IL20: variants seen among roughly 807,000 people sequenced by gnomAD.
IL20 encodes the protein interleukin 20, also known as interleukin-20.
IL20 carries 22 observed loss-of-function variants against 19.2 expected under a neutral mutation model. The ratio of observed to expected loss-of-function variants is 1.15; its 90% confidence interval spans 0.82 to 1.64. IL20 has a LOEUF of 1.64. Among genes scored for constraint, IL20 ranks in the 40% most tolerant of loss-of-function variants. IL20 has a pLI of 0.00. For missense variants in IL20, 215 were observed against 212.8 expected (o/e 1.01, Z -0.06); for synonymous variants, 70 against 76.2 (o/e 0.92, Z 0.43).
chr1:206,866,104 A>G, intron 2 of IL20, 93 bp downstream of exon 2: 1 of 1,322,818 alleles, frequency 7.6e-7, no homozygotes, highest in South Asian at 1.2e-5. Context: ...TGTAATCATA[A>G]AAAGAGGCAG....
In IL20 at chr1:206,865,979, C is replaced by T. The variant is rs1167477260; in HGVS notation, c.127C>T (p.Arg43Ter). The change falls in exon 2 of 6, where the codon CGA becomes TGA. Residue 43 changes from arginine (R) to a stop codon, truncating the protein, a stop_gained. Transcript: ENST00000367098. LOFTEE classifies it high-confidence loss of function. The surrounding 1 kb of genome is among the most constrained non-coding windows in gnomAD (Gnocchi z 4.1). ...CVIATNLQEIRNGFSEIRGSV... is the reference protein window; with the variant it reads ...CVIATNLQEI The stretch of plus-strand genomic sequence containing the variant: ...GATCGCCACAAACCTTCAGGAAATA[C>T]GAAATGGATTTTCTGAGATACGGGG... 1.9e-6 allele frequency: 3 copies of T among 1,614,116 alleles called. No homozygotes were observed. Among genetic ancestry groups the T allele is most frequent in the East Asian group, 2.2e-5 (1 of 44,876 alleles).
At chr1:206,867,358 T>C (rs760271846) in intron 4 of IL20, 26 bp from the exon 5 acceptor site, 20 of 1,601,938 alleles carry the variant, frequency 1.2e-5, no homozygotes, top group Non-Finnish European at 1.7e-5. Flanking sequence ...TGTAATATAA[T>C]CTATTATTCT....
chr1:206,867,268 T>C, intron 4 of IL20, 116 bp from the exon 5 acceptor site: 3 of 815,162 alleles, frequency 3.7e-6, no homozygotes, highest in Non-Finnish European at 5.9e-6. Flanking sequence ...AGCTTTTCTA[T>C]AGGAATAAGC....
In IL20 at chr1:206,866,488, C is replaced by T. The variant is rs369016895; in HGVS notation, c.230C>T (p.Ala77Val). ...TATACCTGTGGTTTTTTGCAGCCTG[C>T]GAATCGATGCTGCCTCCTGCGCCAT... ...RTESLQDTKP[A>V]NRCCLLRHLL... The change falls in exon 4 of 6, where the codon GCG (alanine) becomes GTG (valine). Residue 77 changes from alanine to valine, a missense_variant. Physicochemically the swap from Ala to Val is moderately conservative, Grantham distance 64. Coordinates refer to ENST00000367098, the MANE Select transcript of IL20 (RefSeq NM_018724.4). The T allele has an allele frequency of 2.6e-5, 42 of 1,613,736 alleles. No homozygotes were observed. The highest frequency in any genetic ancestry group is 4.5e-5 in the East Asian group (2 of 44,904).
rs1677641806 is a variant in IL20 at position 206,869,054 on chromosome 1, G to GACT, written c.*494_*496dup. 1.3e-5 allele frequency: 2 copies of GACT among 152,146 alleles called. No homozygotes were observed. The highest frequency in any genetic ancestry group is 4.8e-5 in the African/African-American group (2 of 41,350). The allele number at this position is 152,146 out of a possible 1,614,324, so 9.4% of individuals were successfully genotyped here. A position where few individuals can be genotyped will look rare whatever the true frequency, so the allele number is the denominator to read the frequency against. ...GTGAGATATTTGAAATTGAACCAAT[G>GACT]ACTACTTAGGATGGGTTGTGGAATA... On this transcript the variant is annotated 3_prime_UTR_variant, in exon 6 of 6. Transcript: ENST00000367098.
At chr1:206,867,609 G>C in intron 5 of IL20, 151 bp downstream of exon 5, 1 of 655,628 alleles carries the variant, frequency 1.5e-6, no homozygotes, top group South Asian at 1.9e-5. Flanking sequence ...TTTAACCCAG[G>C]GGACACCCAT....
At position 206,868,576 on chromosome 1, in the gene IL20, T is replaced by C; in HGVS notation, c.*12T>C. On this transcript the variant is annotated 3_prime_UTR_variant, in exon 6 of 6. Coordinates refer to ENST00000367098, the MANE Select transcript of IL20 (RefSeq NM_018724.4). ...AGGAGACAGAATAGGAGGAAAGTGA[T>C]GCTGCTGCTAAGAATATTCGAGGTC... 1 of 1,588,454 alleles carries C rather than the reference T, an allele frequency of 6.3e-7. No homozygotes were observed. The highest frequency in any genetic ancestry group is 8.6e-7 in the Non-Finnish European group (1 of 1,166,540).
chr1:206,866,292 T>C lies in IL20; in HGVS notation c.160-7T>C, dbSNP rs1677542299. ...CATCCTTGCTTGTTTTGTCTTCTTC[T>C]GTTTAGCAAGCCAAAGATGGAAACA... On this transcript the variant is annotated splice_region_variant and splice_polypyrimidine_tract_variant and intron_variant, in intron 2 of 5. Transcript: ENST00000367098. 3 of 1,614,084 alleles carry C rather than the reference T, an allele frequency of 1.9e-6. No homozygotes were observed. The highest frequency in any genetic ancestry group is 2.5e-6 in the Non-Finnish European group (3 of 1,179,922).
chr1:206,866,151 A>G, intron 2 of IL20, 140 bp downstream of exon 2: 1 of 1,143,636 alleles, frequency 8.7e-7, no homozygotes, highest in Non-Finnish European at 1.3e-6. Context: ...TATTCCAAAG[A>G]AATAACTGTA....
chr1:206,864,384 C>A (rs1558630617), upstream of IL20, among the ~76,000 whole-genome samples: 1 of 150,958 alleles, frequency 6.6e-6, no homozygotes, highest in African/African-American at 2.4e-5. Context: ...TGGAGCCAGC[C>A]ATATATATAT....
upstream of IL20, among the ~76,000 whole-genome samples, chr1:206,863,944 A>G (rs754348982): frequency 2.3e-4 from 35 of 152,150 alleles, no homozygotes; most frequent in Admixed American, 1.2e-3. Flanking sequence ...AATCAAAACA[A>G]TTTCTGGGTT....
chr1:206,866,529 C>G lies in IL20; in HGVS notation c.271C>G (p.Leu91Val), dbSNP rs1368789157. 1 of 1,614,022 alleles carries G rather than the reference C, an allele frequency of 6.2e-7. No homozygotes were observed. The highest frequency in any genetic ancestry group is 1.3e-5 in the African/African-American group (1 of 74,914). ...CLLRHLLRLY[L>V]DRVFKNYQTP... The stretch of plus-strand genomic sequence containing the variant: ...CCTGCGCCATTTGCTAAGACTCTAT[C>G]TGGACAGGGTATTTAAAAACTACCA... Residue 91 changes from leucine (L) to valine (V), a missense_variant, in exon 4 of 6, where the codon CTG becomes GTG. Physicochemically the swap from Leu to Val is conservative, Grantham distance 32. Transcript: ENST00000367098.
Position 206,868,645 on chromosome 1 carries a change from A to G in IL20, c.*81A>G. 1.1e-6 allele frequency: 1 copy of G among 943,058 alleles called. No individual in the cohort carries two copies. Among genetic ancestry groups the G allele is most frequent in the Non-Finnish European group, 1.6e-6 (1 of 640,438 alleles). The allele number at this position is 943,058 out of a possible 1,614,324, so 58.4% of individuals were successfully genotyped here. ...TACCTGCAGAGGAGGCATGACCCCA[A>G]ACCACCATCTCTTTACTGTACTAGT... On this transcript the variant is annotated 3_prime_UTR_variant, in exon 6 of 6. Transcript: ENST00000367098.
chr1:206,865,394 C>G, upstream of IL20: 1 of 541,132 alleles, frequency 1.8e-6, no homozygotes, highest in Non-Finnish European at 2.4e-6. This position sits in a 1 kb window ranked among gnomAD's most constrained non-coding sequence, Gnocchi z 4.1. Context: ...GATTTCTCCC[C>G]AGTTCCCCTG....
intron 4 of IL20, 57 bp from the exon 5 acceptor site, chr1:206,867,327 C>T (rs977817091): frequency 6.6e-6 from 10 of 1,504,904 alleles, no homozygotes; most frequent in East Asian, 2.3e-5. Flanking sequence ...TGCTTCATGT[C>T]AATGGCAAAA....
Position 206,865,983 on chromosome 1 carries a change from A to G in IL20, c.131A>G (p.Asn44Ser). ...VIATNLQEIR[N>S]GFSEIRGSVQ... The stretch of plus-strand genomic sequence containing the variant: ...GCCACAAACCTTCAGGAAATACGAA[A>G]TGGATTTTCTGAGATACGGGGCAGT... Residue 44 changes from asparagine (N) to serine (S), a missense_variant, in exon 2 of 6, where the codon AAT (asparagine) becomes AGT (serine). Asn to Ser is a conservative substitution (Grantham distance 46). Coordinates refer to ENST00000367098, the MANE Select transcript of IL20 (RefSeq NM_018724.4). The surrounding 1 kb of genome is among the most constrained non-coding windows in gnomAD (Gnocchi z 4.1). 1 of 1,614,108 alleles carries G rather than the reference A, an allele frequency of 6.2e-7. No individual in the cohort carries two copies. The highest frequency in any genetic ancestry group is 8.5e-7 in the Non-Finnish European group (1 of 1,179,998).
rs1677542587 is a variant in IL20, at chr1:206,866,297, A to G, written c.160-2A>G. On this transcript the variant is annotated splice_acceptor_variant, in intron 2 of 5. Transcript: ENST00000367098. LOFTEE classifies it high-confidence loss of function. ...TTGCTTGTTTTGTCTTCTTCTGTTT[A>G]GCAAGCCAAAGATGGAAACATTGAC... is the stretch of plus-strand genomic sequence containing the variant. 6.2e-7 allele frequency: 1 copy of G among 1,613,970 alleles called. No homozygotes were observed. The highest frequency in any genetic ancestry group is 1.3e-5 in the African/African-American group (1 of 74,924).
upstream of IL20, chr1:206,865,345 G>A (rs1356224854): frequency 9.1e-6 from 2 of 219,666 alleles, no homozygotes; most frequent in Admixed American, 6.4e-5. The surrounding 1 kb of genome is among the most constrained non-coding windows in gnomAD (Gnocchi z 4.1). Context: ...TTTCCCCCTA[G>A]GTGTTTTCGA....
chr1:206,864,831 A>G (rs543136186), upstream of IL20, among the ~76,000 whole-genome samples: 3 of 152,206 alleles, frequency 2.0e-5, no homozygotes, highest in South Asian at 6.2e-4. Context: ...TATCTTGATG[A>G]CTGAGGTTTT....
Sources: gnomAD v4.1 joint callset for allele counts (sites outside exome capture counted in the v4.1 genomes callset) on GRCh38, gnomAD v4.1.1 for gene constraint, Gnocchi (gnomAD v3.1) non-coding constraint, MANE v1.5 for transcripts, NCBI Gene and HGNC (gene_info 2026-07-23, HGNC 2026-07-21) for gene names.